The following HS1BP3 variants were observed in gnomAD, a reference collection of about 807,000 sequenced individuals.
HS1BP3 encodes HCLS1-binding protein 3.
Under a neutral mutation model 33.5 loss-of-function variants are expected in HS1BP3, and 32 were observed. The observed-to-expected ratio is 0.95, with a 90% CI of 0.72 to 1.28. HS1BP3 has a LOEUF of 1.28. HS1BP3 is among the 50% of genes most tolerant of loss of function. The pLI, the probability that HS1BP3 is intolerant of heterozygous loss-of-function variation, is 0.00. For missense variants in HS1BP3, 486 were observed against 502.3 expected (o/e 0.97, Z 0.31); for synonymous variants, 187 against 209.2 (o/e 0.89, Z 0.92).
intron 5 of HS1BP3, among the ~76,000 whole-genome samples, chr2:20,583,476 C>T (rs969551079): frequency 6.6e-6 from 1 of 152,176 alleles, no homozygotes. Context: ...GGACCTGTCA[C>T]CCCTGGAGGG....
intron 3 of HS1BP3, among the ~76,000 whole-genome samples, chr2:20,639,444 G>T (rs1003931126): frequency 6.6e-6 from 1 of 152,238 alleles, no homozygotes; most frequent in African/African-American, 2.4e-5. Context: ...TTTGAGAAGC[G>T]TGGGCTCAGA....
At chr2:20,554,140 T>C in the HS1BP3 span, among the ~76,000 whole-genome samples, 11 of 152,340 alleles carry the variant, frequency 7.2e-5, no homozygotes, top group African/African-American at 2.6e-4. Flanking sequence ...GCAGGAACTA[T>C]GCCTGCCTTC....
intron 2 of HS1BP3, among the ~76,000 whole-genome samples, chr2:20,643,295 G>A (rs1023803043): frequency 3.3e-5 from 5 of 152,188 alleles, no homozygotes; most frequent in African/African-American, 9.7e-5. Context: ...ATGTAAGGCC[G>A]GCCCTCTGCA....
intron 3 of HS1BP3, among the ~76,000 whole-genome samples, chr2:20,596,347 T>C (rs778910792): frequency 1.3e-5 from 2 of 152,210 alleles, no homozygotes; most frequent in Non-Finnish European, 2.9e-5. Flanking sequence ...TGCTCAAACC[T>C]AAACCCCCAA....
chr2:20,641,120 C>T lies in HS1BP3; in HGVS notation c.259G>A (p.Ala87Thr), dbSNP rs1318385728. Residue 87 changes from alanine (A) to threonine (T), a missense_variant, in exon 3 of 7, where the codon GCA becomes ACA. Coordinates refer to ENST00000304031, the MANE Select transcript of HS1BP3 (RefSeq NM_022460.4). ...FYQKLSSRYA[A>T]ASLPPLPRKV... ...CTGGGTAGTGGGGGGAGGCTGGCTG[C>T]TGCATAACGACTGCTCAGTTTCTGG... is the stretch of plus-strand genomic sequence containing the variant. 6.2e-7 allele frequency: 1 copy of T among 1,613,034 alleles called. No homozygotes were observed. The highest frequency in any genetic ancestry group is 1.1e-5 in the South Asian group (1 of 91,088).
At chr2:20,628,272 A>T (rs1287092973) in intron 4 of HS1BP3, among the ~76,000 whole-genome samples, 1 of 152,200 alleles carries the variant, frequency 6.6e-6, no homozygotes, top group Non-Finnish European at 1.5e-5. Context: ...CCAGAAGCTC[A>T]TGGCAGAGCA....
intron 5 of HS1BP3, among the ~76,000 whole-genome samples, chr2:20,568,101 C>T (rs1030607716): frequency 1.3e-5 from 2 of 152,144 alleles, no homozygotes; most frequent in African/African-American, 4.8e-5. Flanking sequence ...GGGCCTAGAA[C>T]AAAAGAGAAA....
intron 5 of HS1BP3, among the ~76,000 whole-genome samples, chr2:20,564,878 C>A (rs1693087918): frequency 6.6e-6 from 1 of 152,178 alleles, no homozygotes; most frequent in African/African-American, 2.4e-5. Context: ...GAAAAGGCAC[C>A]TACAGAGGCA....
At chr2:20,617,306 G>T (rs375340463), downstream of HS1BP3, among the ~76,000 whole-genome samples, 8 of 152,310 alleles carry the variant, frequency 5.3e-5, no homozygotes, top group South Asian at 1.7e-3. Context: ...AAGGAGGGGC[G>T]GGTGTGAAGG....
chr2:20,632,839 C>T (rs184030959), intron 4 of HS1BP3, among the ~76,000 whole-genome samples: 45 of 152,284 alleles, frequency 3.0e-4, no homozygotes, highest in African/African-American at 1.0e-3. Context: ...GGTGTACCGG[C>T]GCTCCTGGAG....
chr2:20,592,448 A>G (rs1693840240), downstream of HS1BP3: 2 of 166,692 alleles, frequency 1.2e-5, no homozygotes. Context: ...ACTCCCCGAC[A>G]GCTCTGTCCC....
intron 4 of HS1BP3, among the ~76,000 whole-genome samples, chr2:20,627,820 C>G (rs73235100): frequency 0.014 from 2,105 of 152,228 alleles, 39 homozygotes; most frequent in African/African-American, 0.046. Flanking sequence ...CTATCCTGAG[C>G]GGCCCAAAAC....
At chr2:20,627,772 G>A (rs1390967677) in intron 4 of HS1BP3, among the ~76,000 whole-genome samples, 1 of 152,152 alleles carries the variant, frequency 6.6e-6, no homozygotes, top group African/African-American at 2.4e-5. Flanking sequence ...GGAAGAAGCA[G>A]GAAATATGGA....
intron 6 of HS1BP3, among the ~76,000 whole-genome samples, chr2:20,620,032 C>A (rs1241041089): frequency 6.6e-6 from 1 of 152,192 alleles, no homozygotes; most frequent in African/African-American, 2.4e-5. Flanking sequence ...GTTACGGTCA[C>A]TCAGGACCAT....
intron 2 of HS1BP3, among the ~76,000 whole-genome samples, chr2:20,608,453 A>C (rs1236814049): frequency 6.6e-6 from 1 of 151,952 alleles, no homozygotes; most frequent in East Asian, 1.9e-4. Context: ...GCATGCCTGT[A>C]ATCCCAGCTA....
intron 6 of HS1BP3, chr2:20,622,145 A>G: frequency 7.9e-7 from 1 of 1,258,520 alleles, no homozygotes; most frequent in Non-Finnish European, 1.0e-6. Flanking sequence ...GGCTGAGGCT[A>G]GTGACAGAAT....
At position 20,638,460 on chromosome 2, in the gene HS1BP3, G is replaced by GCCT. The variant is rs766035212; in HGVS notation, c.596_598dup (p.Glu199dup). The GCCT allele has an allele frequency of 1.7e-5, 27 of 1,613,904 alleles. No individual in the cohort carries two copies. Among genetic ancestry groups the GCCT allele is most frequent in the East Asian group, 8.9e-5 (4 of 44,886 alleles). On this transcript the variant is annotated inframe_insertion, in exon 4 of 7. Coordinates refer to ENST00000304031, the MANE Select transcript of HS1BP3 (RefSeq NM_022460.4). ...CCGCATAATGCCCAGAGGGTCCAGC[G>GCCT]CCTCCTCCTCCTCCAAGGATTCCTC...
intron 5 of HS1BP3, among the ~76,000 whole-genome samples, chr2:20,561,598 C>A (rs770424479): frequency 6.6e-6 from 1 of 152,144 alleles, no homozygotes; most frequent in Non-Finnish European, 1.5e-5. Context: ...TATGCATATG[C>A]GTACACAAGC....
rs149235112 is a variant in HS1BP3, at chr2:20,625,378, G to A, written c.624-486C>T. 6.6e-5 allele frequency among the ~76,000 whole-genome samples: 10 copies of A among 152,326 alleles called. No homozygotes were observed. The East Asian group carries it at 9.6e-4, about 15-fold the overall frequency. ...CAGGCCAGAGATCACACTCCCATTC[G>A]GAAGGTAGAGACAGCTGCCTGGTCT... On this transcript the variant is annotated intron_variant, in intron 4 of 6. Transcript: ENST00000304031.
Sources: allele counts gnomAD v4.1 joint callset (sites outside exome capture counted in the v4.1 genomes callset), GRCh38; gene constraint gnomAD v4.1.1; transcripts MANE v1.5; gene names NCBI Gene and HGNC (gene_info 2026-07-23, HGNC 2026-07-21).